PTPRD: variants seen among roughly 807,000 people sequenced by gnomAD.
PTPRD encodes protein tyrosine phosphatase receptor type D, also known as receptor-type tyrosine-protein phosphatase delta.
Under a neutral mutation model 214.5 loss-of-function variants are expected in PTPRD, and 34 were observed. That is an observed-to-expected ratio of 0.16 (90% CI 0.12 to 0.21). The LOEUF is 0.21. PTPRD is among the 10% of genes least tolerant of loss of function. The pLI, the probability that PTPRD is intolerant of heterozygous loss-of-function variation, is 1.00. For synonymous variants in PTPRD, 1,128 were observed against 845.7 expected (o/e 1.33, Z -5.79); for missense variants, 2,545 against 2,398.7 (o/e 1.06, Z -1.27).
chr9:8,673,448 C>T (rs1186768073), intron 12 of PTPRD, among the ~76,000 whole-genome samples: 1 of 152,092 alleles, frequency 6.6e-6, no homozygotes, highest in Non-Finnish European at 1.5e-5. Context: ...TTAATAATAA[C>T]AGTAGTAATA....
intron 6 of PTPRD, among the ~76,000 whole-genome samples, chr9:9,748,107 C>T (rs1031052885): frequency 9.2e-5 from 14 of 152,122 alleles, no homozygotes; most frequent in African/African-American, 2.7e-4. Context: ...TATATTCTTT[C>T]CATCATTCAT....
chr9:9,455,653 T>C (rs1342125574), intron 8 of PTPRD, among the ~76,000 whole-genome samples: 3 of 151,708 alleles, frequency 2.0e-5, no homozygotes, highest in Non-Finnish European at 3.0e-5. Context: ...ATCAGAAATT[T>C]GGAGCTTTCC....
intron 2 of PTPRD, among the ~76,000 whole-genome samples, chr9:10,360,964 T>C (rs533845290): frequency 2.1e-4 from 32 of 151,712 alleles, no homozygotes; most frequent in East Asian, 3.9e-4. Context: ...TAGCCGGGCG[T>C]GGTGCCGGGC....
At chr9:8,744,711 C>T (rs752454540) in intron 11 of PTPRD, among the ~76,000 whole-genome samples, 3 of 152,124 alleles carry the variant, frequency 2.0e-5, no homozygotes, top group South Asian at 2.1e-4. Context: ...ACTGCTTGGG[C>T]GATGGGTGCA....
At chr9:9,052,253 TC>T (rs1174220775) in intron 10 of PTPRD, among the ~76,000 whole-genome samples, 1 of 152,100 alleles carries the variant, frequency 6.6e-6, no homozygotes, top group Non-Finnish European at 1.5e-5. Flanking sequence ...TCTAATCACT[TC>T]CCAAAGGCCC....
chr9:9,691,900 C>T (rs111976355), intron 7 of PTPRD, among the ~76,000 whole-genome samples: 50 of 151,978 alleles, frequency 3.3e-4, no homozygotes, highest in African/African-American at 1.2e-3. Flanking sequence ...TTTTATATAC[C>T]TGTTTGCCAT....
chr9:9,361,091 C>A (rs548255532), intron 9 of PTPRD, among the ~76,000 whole-genome samples: 182 of 151,228 alleles, frequency 1.2e-3, no homozygotes, highest in African/African-American at 4.2e-3. Flanking sequence ...TACAGCTAAT[C>A]ATGTCATGTT....
chr9:8,549,911 C>CTA (rs1463094704), intron 14 of PTPRD, among the ~76,000 whole-genome samples: 1 of 152,096 alleles, frequency 6.6e-6, no homozygotes, highest in Non-Finnish European at 1.5e-5. Context: ...TTTAGCGTAT[C>CTA]TATATTCAGA....
At chr9:9,582,851 C>T (rs998940362) in intron 7 of PTPRD, among the ~76,000 whole-genome samples, 1 of 151,926 alleles carries the variant, frequency 6.6e-6, no homozygotes, top group Non-Finnish European at 1.5e-5. Context: ...TCTTTGTCTT[C>T]CATTGTCTAA....
chr9:8,367,004 C>A (rs530978022), intron 39 of PTPRD, among the ~76,000 whole-genome samples: 1 of 152,300 alleles, frequency 6.6e-6, no homozygotes, highest in Admixed American at 6.5e-5. Flanking sequence ...GGTGGCACAT[C>A]TTTGTCCTTG....
chr9:10,520,769 T>A (rs952775301), intron 2 of PTPRD, among the ~76,000 whole-genome samples: 6 of 152,126 alleles, frequency 3.9e-5, no homozygotes, highest in African/African-American at 1.4e-4. Context: ...TTATGTTAAA[T>A]CTACTCTGCC....
chr9:10,205,340 C>CT (rs2099465269), intron 3 of PTPRD, among the ~76,000 whole-genome samples: 1 of 150,824 alleles, frequency 6.6e-6, no homozygotes, highest in Non-Finnish European at 1.5e-5. Context: ...TGAAAGATTC[C>CT]TTTTTGTGGC....
chr9:8,845,691 C>A (rs1286072092), intron 11 of PTPRD, among the ~76,000 whole-genome samples: 2 of 152,214 alleles, frequency 1.3e-5, no homozygotes, highest in African/African-American at 4.8e-5. Flanking sequence ...CACAGCTCAA[C>A]ATAAACAAGA....
chr9:8,568,842 G>T (rs1390536207), intron 14 of PTPRD, among the ~76,000 whole-genome samples: 2 of 151,914 alleles, frequency 1.3e-5, no homozygotes, highest in African/African-American at 2.4e-5. Flanking sequence ...GGTCTTCTAA[G>T]TTCTCGGTGC....
chr9:9,559,514 C>A (rs984085768), intron 8 of PTPRD, among the ~76,000 whole-genome samples: 1 of 152,220 alleles, frequency 6.6e-6, no homozygotes, highest in Non-Finnish European at 1.5e-5. Context: ...AGGGCTTGTG[C>A]CTACTGAATA....
chr9:8,319,255 C>G (rs952633081), intron 45 of PTPRD, among the ~76,000 whole-genome samples: 1 of 151,994 alleles, frequency 6.6e-6, no homozygotes, highest in Non-Finnish European at 1.5e-5. Context: ...AATGAATGCT[C>G]AATAGACCAG....
intron 11 of PTPRD, among the ~76,000 whole-genome samples, chr9:8,987,615 T>C (rs576104351): frequency 6.6e-6 from 1 of 152,168 alleles, no homozygotes; most frequent in Admixed American, 6.6e-5. Context: ...TGTGGGTCTT[T>C]ATGTATGTGT....
At chr9:9,966,708 T>C (rs190409566) in intron 4 of PTPRD, among the ~76,000 whole-genome samples, 5 of 152,072 alleles carry the variant, frequency 3.3e-5, no homozygotes, top group African/African-American at 1.2e-4. Context: ...GATGGCAGAT[T>C]TCAGTTGTAC....
chr9:10,477,218 T>A (rs898519290), intron 2 of PTPRD, among the ~76,000 whole-genome samples: 12 of 152,106 alleles, frequency 7.9e-5, no homozygotes, highest in African/African-American at 2.4e-4. Context: ...GGATAAAATT[T>A]TTGCAGTTTA....
Sources: allele counts gnomAD v4.1 joint callset (sites outside exome capture counted in the v4.1 genomes callset), GRCh38; gene constraint gnomAD v4.1.1; transcripts MANE v1.5; gene names NCBI Gene and HGNC (gene_info 2026-07-23, HGNC 2026-07-21).